Variants in FGF14 observed in about 807,000 individuals in gnomAD.
The protein encoded by FGF14 is fibroblast growth factor 14.
In FGF14, 5 loss-of-function variants were observed where a neutral mutation model predicts 25.5. The observed-to-expected ratio is 0.20, with a 90% confidence interval of 0.10 to 0.41. FGF14 has a LOEUF of 0.41. Ranked by LOEUF, FGF14 falls within the 10% of genes least tolerant of loss-of-function variation. The probability of loss-of-function intolerance (pLI) is 1.00; values close to 1 mark genes in which losing one functional copy is unlikely to be tolerated. For synonymous variants in FGF14, 138 were observed against 118.3 expected, an observed-to-expected ratio of 1.17 and a Z score of -1.08; for missense variants, 222 against 320.1, an observed-to-expected ratio of 0.69 and a Z score of 2.34.
At chr13:101,970,904 C>A (rs1272708041) in intron 1 of FGF14, among the ~76,000 whole-genome samples, 1 of 152,172 alleles carries the variant, frequency 6.6e-6, no homozygotes, top group Non-Finnish European at 1.5e-5. Context: ...AGCCTTGAAG[C>A]CCCTATTTCT....
At chr13:101,862,581 C>T (rs749714064) in intron 3 of FGF14, among the ~76,000 whole-genome samples, 4 of 152,112 alleles carry the variant, frequency 2.6e-5, no homozygotes, top group Non-Finnish European at 5.9e-5. Context: ...ATTTGTTTCT[C>T]AAATTCTTTT....
At chr13:101,754,024 C>G (rs952092678) in intron 3 of FGF14, among the ~76,000 whole-genome samples, 1 of 152,146 alleles carries the variant, frequency 6.6e-6, no homozygotes, top group Non-Finnish European at 1.5e-5. Context: ...CTGGAGACCA[C>G]GTATGCCCGC....
intron 1 of FGF14, among the ~76,000 whole-genome samples, chr13:102,186,197 C>T (rs1172151510): frequency 1.3e-5 from 2 of 152,082 alleles, no homozygotes; most frequent in Non-Finnish European, 2.9e-5. Context: ...AATATTGCCA[C>T]TTATAAGCGC....
intron 1 of FGF14, among the ~76,000 whole-genome samples, chr13:101,894,929 C>T (rs989309989): frequency 1.3e-5 from 2 of 152,110 alleles, no homozygotes; most frequent in African/African-American, 4.8e-5. Flanking sequence ...CTACTGTAAC[C>T]TTAGACAACA....
At chr13:101,893,665 C>T (rs1302789513) in intron 1 of FGF14, among the ~76,000 whole-genome samples, 1 of 151,962 alleles carries the variant, frequency 6.6e-6, no homozygotes. Context: ...GAAAGTGCCA[C>T]GTGATAAGGA....
chr13:102,049,961 C>T (rs1418922734), intron 1 of FGF14, among the ~76,000 whole-genome samples: 1 of 152,126 alleles, frequency 6.6e-6, no homozygotes, highest in African/African-American at 2.4e-5. Flanking sequence ...AACAGTGAGA[C>T]AATAGATTCC....
intron 3 of FGF14, among the ~76,000 whole-genome samples, chr13:101,863,479 G>A (rs995171146): frequency 1.4e-4 from 22 of 152,142 alleles, no homozygotes; most frequent in Admixed American, 1.2e-3. Context: ...TAAAACCTGG[G>A]GGAGGAGGAA....
intron 3 of FGF14, among the ~76,000 whole-genome samples, chr13:101,833,449 G>A (rs754148076): frequency 3.9e-5 from 6 of 151,952 alleles, no homozygotes; most frequent in African/African-American, 1.2e-4. Flanking sequence ...TTGGGGATAC[G>A]GAGTTGAGGA....
chr13:102,238,033 T>C lies in FGF14; in HGVS notation c.208+163438A>G, dbSNP rs2051408390. Among the ~76,000 whole-genome samples the C allele has an allele frequency of 2.6e-5, 4 of 152,334 alleles. No homozygotes were observed. In the South Asian group the frequency reaches 8.3e-4, roughly 32 times the overall value. ...CCCCTAAATCTAGTTAGTTACCATT[T>C]ATGTACCTGGGATGTGCTTCATGGG... On this transcript the variant is annotated intron_variant, in intron 1 of 4. Coordinates refer to the FGF14 transcript ENST00000376131.
intron 1 of FGF14, among the ~76,000 whole-genome samples, chr13:102,374,855 T>C (rs1415844058): frequency 1.3e-5 from 2 of 151,548 alleles, no homozygotes; most frequent in Admixed American, 6.6e-5. Context: ...TTTATGCAAT[T>C]TTAACTAAAT....
chr13:102,082,731 G>A (rs2043687700), intron 1 of FGF14, among the ~76,000 whole-genome samples: 1 of 152,038 alleles, frequency 6.6e-6, no homozygotes, highest in Non-Finnish European at 1.5e-5. Context: ...GAGGCGGGCG[G>A]ATCACGAGGT....
intron 3 of FGF14, among the ~76,000 whole-genome samples, chr13:101,740,645 T>C (rs1355919868): frequency 6.6e-6 from 1 of 151,916 alleles, no homozygotes; most frequent in Non-Finnish European, 1.5e-5. Context: ...GGTCAAATAT[T>C]GCAGTTTTGT....
intron 3 of FGF14, among the ~76,000 whole-genome samples, chr13:101,798,967 G>A (rs1429734269): frequency 6.6e-6 from 1 of 152,026 alleles, no homozygotes; most frequent in Non-Finnish European, 1.5e-5. Flanking sequence ...TCTGCTACTC[G>A]GCAGATGTAT....
chr13:101,734,651 A>T (rs984184631), intron 3 of FGF14, among the ~76,000 whole-genome samples: 2 of 152,188 alleles, frequency 1.3e-5, no homozygotes, highest in African/African-American at 4.8e-5. Flanking sequence ...AATGATGTTA[A>T]TAACTATAAT....
chr13:102,087,412 T>TC (rs1354012790), intron 1 of FGF14, among the ~76,000 whole-genome samples: 242 of 131,410 alleles, frequency 1.8e-3, no homozygotes, highest in African/African-American at 6.6e-3. Flanking sequence ...AATTTCTTTT[T>TC]TTTTTTTTTT....
At chr13:101,833,754 C>T (rs1211446664) in intron 3 of FGF14, among the ~76,000 whole-genome samples, 1 of 152,110 alleles carries the variant, frequency 6.6e-6, no homozygotes, top group Non-Finnish European at 1.5e-5. Context: ...AGTAATTCTT[C>T]ATCCCCACTG....
chr13:102,195,826 A>G (rs2140850521), intron 1 of FGF14, among the ~76,000 whole-genome samples: 1 of 151,866 alleles, frequency 6.6e-6, no homozygotes, highest in Admixed American at 6.6e-5. Flanking sequence ...TCAAAACAAC[A>G]GTAAAAAAAA....
intron 1 of FGF14, among the ~76,000 whole-genome samples, chr13:102,200,007 AG>A (rs1183660607): frequency 1.3e-5 from 2 of 152,176 alleles, no homozygotes; most frequent in African/African-American, 2.4e-5. Flanking sequence ...ATCCAGAGAC[AG>A]GTGTTAAAAT....
At chr13:102,315,979 C>T (rs2056002474) in intron 1 of FGF14, among the ~76,000 whole-genome samples, 1 of 152,138 alleles carries the variant, frequency 6.6e-6, no homozygotes, top group Non-Finnish European at 1.5e-5. Context: ...TACTTGGGTG[C>T]ATAATGAGCC....
Sources: gnomAD v4.1 joint callset for allele counts (sites outside exome capture counted in the v4.1 genomes callset) on GRCh38, gnomAD v4.1.1 for gene constraint, MANE v1.5 for transcripts, NCBI Gene and HGNC (gene_info 2026-07-23, HGNC 2026-07-21) for gene names.